The following XYLB variants were observed in gnomAD, a reference collection of about 807,000 sequenced individuals.
The protein encoded by XYLB is xylulose kinase.
A neutral mutation model predicts 78.7 loss-of-function variants in XYLB; 62 were observed. That is an observed-to-expected ratio of 0.79 (90% CI 0.64 to 0.97). The LOEUF (loss-of-function observed/expected upper bound fraction) is 0.97. XYLB is among the 50% of genes least tolerant of loss of function. XYLB has a pLI of 0.00. For synonymous variants in XYLB, 245 were observed against 247.4 expected (o/e 0.99, Z 0.09); for missense variants, 687 against 676.8 (o/e 1.02, Z -0.17).
chr3:38,375,218 C>T lies in XYLB; in HGVS notation c.963C>T (p.Phe321=), dbSNP rs1054724897. The T allele has an allele frequency of 9.3e-6, 15 of 1,614,236 alleles. No individual in the cohort carries two copies. Among genetic ancestry groups the T allele is most frequent in the Non-Finnish European group, 1.2e-5 (14 of 1,180,038 alleles). ...TGCCTGCCCTGGAAGGCCACATCTT[C>T]TGCAACCCGGTTGACTCCCAGCACT... ...EPMPALEGHI[F]CNPVDSQHYM... The change falls in exon 12 of 19, where the codon TTC becomes TTT. Residue 321 remains phenylalanine, a synonymous_variant. Transcript: ENST00000207870.
downstream of XYLB, among the ~76,000 whole-genome samples, chr3:38,424,482 A>AT (rs1225232338): frequency 1.3e-5 from 2 of 152,338 alleles, no homozygotes; most frequent in Non-Finnish European, 2.9e-5. Flanking sequence ...AATTATTTCA[A>AT]TTTTTGAAAT....
Position 38,413,366 on chromosome 3 carries a change from G to T in XYLB, c.*353G>T, listed in dbSNP as rs945270804. ...ATCTAGGGACTCAAATCAGCAGAAT[G>T]GGGGAGACAAAGCCCGGTCTCACCC... On this transcript the variant is annotated 3_prime_UTR_variant, in exon 19 of 19. Coordinates refer to ENST00000207870, the MANE Select transcript of XYLB (RefSeq NM_005108.4). 4 of 203,830 alleles carry T rather than the reference G, an allele frequency of 2.0e-5. No homozygotes were observed. The Admixed American group carries it at 2.4e-4, about 12-fold the overall frequency. 12.6% of individuals were successfully genotyped at this position (203,830 alleles called of 1,614,324 possible).
At chr3:38,423,813 C>T (rs1709048193), downstream of XYLB, among the ~76,000 whole-genome samples, 2 of 152,172 alleles carry the variant, frequency 1.3e-5, no homozygotes, top group South Asian at 2.1e-4. Flanking sequence ...TTGCAAAACT[C>T]GATTTCTCAT....
At chr3:38,430,417 G>A in the XYLB span, among the ~76,000 whole-genome samples, 1 of 152,084 alleles carries the variant, frequency 6.6e-6, no homozygotes, top group Non-Finnish European at 1.5e-5. Flanking sequence ...ATTTTTTCTT[G>A]TAAATTTGTT....
At chr3:38,357,312 T>C (rs1010247082) in intron 2 of XYLB, among the ~76,000 whole-genome samples, 6 of 152,314 alleles carry the variant, frequency 3.9e-5, no homozygotes, top group Non-Finnish European at 7.3e-5. Flanking sequence ...TTTTGAAGAA[T>C]TGCCAAACTG....
At chr3:38,397,007 C>G (rs1707898691) in intron 16 of XYLB, 65 bp from the exon 17 acceptor site, 5 of 1,532,046 alleles carry the variant, frequency 3.3e-6, no homozygotes, top group Non-Finnish European at 3.6e-6. Flanking sequence ...GAAAGTGCAT[C>G]CCACAATGTC....
chr3:38,392,142 G>T (rs1707684372), intron 15 of XYLB, among the ~76,000 whole-genome samples: 1 of 152,128 alleles, frequency 6.6e-6, no homozygotes, highest in African/African-American at 2.4e-5. Flanking sequence ...CATGAAGTCA[G>T]TTGTGTACTC....
chr3:38,376,290 G>A, intron 13 of XYLB, 58 bp downstream of exon 13: 1 of 1,336,800 alleles, frequency 7.5e-7, no homozygotes, highest in Non-Finnish European at 1.1e-6. Context: ...GACTGGAGGG[G>A]CAGAGCCTGG....
At chr3:38,396,736 T>A (rs1281595935) in intron 16 of XYLB, among the ~76,000 whole-genome samples, 1 of 152,224 alleles carries the variant, frequency 6.6e-6, no homozygotes, top group African/African-American at 2.4e-5. Flanking sequence ...TTGGGCTTGT[T>A]AATGTTAGTC....
the XYLB span, chr3:38,451,356 T>G: frequency 6.6e-6 from 1 of 152,090 alleles, no homozygotes; most frequent in African/African-American, 2.4e-5. Context: ...TGCAAAAGGG[T>G]CAACTTCTAT....
At chr3:38,404,772 A>C (rs754676170) in intron 18 of XYLB, among the ~76,000 whole-genome samples, 4 of 152,198 alleles carry the variant, frequency 2.6e-5, no homozygotes, top group African/African-American at 4.8e-5. Context: ...GCTTCAGTTA[A>C]TCAAGATTGC....
intron 7 of XYLB, among the ~76,000 whole-genome samples, chr3:38,367,329 C>T (rs546608751): frequency 1.3e-5 from 2 of 152,330 alleles, no homozygotes; most frequent in South Asian, 4.1e-4. Context: ...GTCACAGGAA[C>T]CCAGGTTCAT....
intron 2 of XYLB, among the ~76,000 whole-genome samples, chr3:38,350,151 C>G (rs905769540): frequency 6.6e-6 from 1 of 152,188 alleles, no homozygotes; most frequent in Non-Finnish European, 1.5e-5. Flanking sequence ...TGAAGCCTTC[C>G]CAGCTGACCC....
At chr3:38,419,299 T>G (rs1368493483), downstream of XYLB, among the ~76,000 whole-genome samples, 3 of 152,100 alleles carry the variant, frequency 2.0e-5, no homozygotes, top group Non-Finnish European at 2.9e-5. Flanking sequence ...CACATCCTGT[T>G]TATCCATTCA....
At chr3:38,418,456 T>C (rs940128845), downstream of XYLB, among the ~76,000 whole-genome samples, 26 of 152,234 alleles carry the variant, frequency 1.7e-4, no homozygotes, top group Non-Finnish European at 1.6e-4. Context: ...ACCATTCCAA[T>C]AGGAATCTGC....
At chr3:38,415,635 T>C (rs1395126073), downstream of XYLB, among the ~76,000 whole-genome samples, 1 of 151,818 alleles carries the variant, frequency 6.6e-6, no homozygotes, top group African/African-American at 2.4e-5. Context: ...ATACAAAAAT[T>C]AGCTGGGTAT....
In XYLB at chr3:38,375,167, C is replaced by G. The variant is rs772145280; in HGVS notation, c.912C>G (p.Thr304=). 3 of 1,613,962 alleles carry G rather than the reference C, an allele frequency of 1.9e-6. No individual in the cohort carries two copies. The highest frequency in any genetic ancestry group is 1.3e-5 in the African/African-American group (1 of 74,936). ...DIAVSLGTSD[T]LFLWLQEPMP... is the part of the protein sequence containing the mutation. ...AGGTCAGCCTGGGCACCAGTGACAC[C>G]CTGTTTCTCTGGCTCCAAGAGCCCA... Residue 304 remains threonine (T), a synonymous_variant, in exon 12 of 19, where the codon ACC becomes ACG. Coordinates refer to ENST00000207870, the MANE Select transcript of XYLB (RefSeq NM_005108.4).
At chr3:38,438,063 A>G in the XYLB span, among the ~76,000 whole-genome samples, 1 of 151,700 alleles carries the variant, frequency 6.6e-6, no homozygotes, top group South Asian at 2.1e-4. Context: ...TCAAAAAAAT[A>G]AAAAATAAAA....
intron 8 of XYLB, among the ~76,000 whole-genome samples, chr3:38,369,152 G>A (rs542087869): frequency 2.0e-4 from 30 of 152,142 alleles, no homozygotes; most frequent in Non-Finnish European, 3.5e-4. Context: ...TTCATGGGAA[G>A]TTTTCGAGGG....
Sources: gnomAD v4.1 joint callset for allele counts (sites outside exome capture counted in the v4.1 genomes callset) on GRCh38, gnomAD v4.1.1 for gene constraint, MANE v1.5 for transcripts, NCBI Gene and HGNC (gene_info 2026-07-23, HGNC 2026-07-21) for gene names.